Variants in MRPS25 observed in about 807,000 individuals in gnomAD.
MRPS25 encodes the protein mitochondrial ribosomal protein S25.
In MRPS25, 15 loss-of-function variants were observed where a neutral mutation model predicts 17.3. The ratio of observed to expected loss-of-function variants is 0.87; its 90% CI spans 0.58 to 1.34. The LOEUF (loss-of-function observed/expected upper bound fraction) is 1.34, where lower values mean the gene tolerates loss of function less well. Among genes scored for constraint, MRPS25 ranks in the 40% most tolerant of loss-of-function variants. The pLI is 0.00. For missense variants in MRPS25, 225 were observed against 218.6 expected (o/e 1.03, Z -0.19); for synonymous variants, 94 against 83.3 (o/e 1.13, Z -0.70).
Position 15,050,532 on chromosome 3 carries a change from C to T in MRPS25, c.*1909G>A. On this transcript the variant is annotated 3_prime_UTR_variant, in exon 4 of 4. Transcript: ENST00000253686. ...AGGAACTAGGTGCTTTCTGAAGAGC[C>T]CTTGCAGCCAAGTAGAACGCCCAGG... The T allele has an allele frequency of 1.0e-6, 1 of 985,482 alleles. No individual in the cohort carries two copies. The highest frequency in any genetic ancestry group is 1.2e-6 in the Non-Finnish European group (1 of 830,058). 61.0% of individuals were successfully genotyped at this position (985,482 alleles called of 1,614,324 possible). A position where few individuals can be genotyped will look rare whatever the true frequency, so the allele number is the denominator to read the frequency against.
intron 1 of MRPS25, among the ~76,000 whole-genome samples, chr3:15,064,117 C>G (rs1276248120): frequency 6.6e-6 from 1 of 152,188 alleles, no homozygotes; most frequent in Non-Finnish European, 1.5e-5. Flanking sequence ...GCTCCCCGCC[C>G]CCACGCCTCA....
Position 15,065,214 on chromosome 3 carries a change from C to T in MRPS25, c.-20G>A, listed in dbSNP as rs759273636. ...GGGCATGGCGGCAACGGTGGCGGGGCCGACCCCACGGGCCGCGAGCCGAGC... is the reference window on the plus strand; with the variant it reads ...GGGCATGGCGGCAACGGTGGCGGGGTCGACCCCACGGGCCGCGAGCCGAGC... On this transcript the variant is annotated 5_prime_UTR_variant, in exon 1 of 4. Coordinates refer to ENST00000253686, the MANE Select transcript of MRPS25 (RefSeq NM_022497.5). 6 of 1,569,562 alleles carry T rather than the reference C, an allele frequency of 3.8e-6. No homozygotes were observed. Among genetic ancestry groups the T allele is most frequent in the Non-Finnish European group, 8.6e-7 (1 of 1,160,214 alleles).
chr3:15,050,642 CT>C lies in MRPS25; in HGVS notation c.*1798del. On this transcript the variant is annotated 3_prime_UTR_variant, in exon 4 of 4. Coordinates refer to ENST00000253686, the MANE Select transcript of MRPS25 (RefSeq NM_022497.5). ...TGGGAGGGCTCTCTGTGGAGGAGAG[CT>C]TTTTCCACCCAGCCAAAATGCTGAT... 1.0e-6 allele frequency: 1 copy of C among 985,352 alleles called. No individual in the cohort carries two copies. Among genetic ancestry groups the C allele is most frequent in the Non-Finnish European group, 1.2e-6 (1 of 829,924 alleles). 61.0% of individuals were successfully genotyped at this position (985,352 alleles called of 1,614,324 possible).
downstream of MRPS25, chr3:15,045,994 T>C (rs2042435682): frequency 6.6e-6 from 1 of 152,208 alleles, no homozygotes; most frequent in Non-Finnish European, 1.5e-5. Flanking sequence ...GTGGAGATCA[T>C]TACACATTAG....
Position 15,050,385 on chromosome 3 carries a change from C to T in MRPS25, c.*2056G>A. 5 of 1,018,098 alleles carry T rather than the reference C, an allele frequency of 4.9e-6. No individual in the cohort carries two copies. Among genetic ancestry groups the T allele is most frequent in the African/African-American group, 3.5e-5 (2 of 57,486 alleles). 63.1% of individuals were successfully genotyped at this position (1,018,098 alleles called of 1,614,324 possible). The stretch of plus-strand genomic sequence containing the variant: ...TTCTGTCTAGAGAATGGTCACCACT[C>T]CTTTTGGTTCAGGACATTCCTGCTG... On this transcript the variant is annotated 3_prime_UTR_variant, in exon 4 of 4. Transcript: ENST00000253686.
chr3:15,064,392 T>C (rs73818013), intron 1 of MRPS25, among the ~76,000 whole-genome samples: 3,305 of 152,264 alleles, frequency 0.022, 116 homozygotes, highest in African/African-American at 0.075. Context: ...CAGTTCCTTC[T>C]AGTCGGGGTA....
Position 15,050,015 on chromosome 3 carries a change from A to T in MRPS25, c.*2426T>A, listed in dbSNP as rs2042579588. Reference sequence around the variant, plus strand: ...CAAGTAAAATTAAGAACATGTTATCAATTATAAAATCCTCACATTTTCTCT... The same window carrying T: ...CAAGTAAAATTAAGAACATGTTATCTATTATAAAATCCTCACATTTTCTCT... On this transcript the variant is annotated 3_prime_UTR_variant, in exon 4 of 4. Coordinates refer to ENST00000253686, the MANE Select transcript of MRPS25 (RefSeq NM_022497.5). 1.4e-6 allele frequency: 2 copies of T among 1,465,304 alleles called. No homozygotes were observed. Among genetic ancestry groups the T allele is most frequent in the Non-Finnish European group, 1.8e-6 (2 of 1,123,716 alleles). 90.8% of individuals were successfully genotyped at this position (1,465,304 alleles called of 1,614,324 possible).
At position 15,052,563 on chromosome 3, in the gene MRPS25, A is replaced by AC; in HGVS notation, c.399dup (p.Tyr134ValfsTer9). The stretch of plus-strand genomic sequence containing the variant: ...TCACAGATGCACTCCCGCAGGCAGT[A>AC]CTTTCGAGGGCCGAAGTTGGCTGGG... On this transcript the variant is annotated frameshift_variant, in exon 4 of 4. Transcript: ENST00000253686. LOFTEE classifies it high-confidence loss of function. The AC allele has an allele frequency of 6.2e-7, 1 of 1,614,176 alleles. No individual in the cohort carries two copies. The highest frequency in any genetic ancestry group is 8.5e-7 in the Non-Finnish European group (1 of 1,180,042).
downstream of MRPS25, chr3:15,044,492 C>T (rs1239366276): frequency 1.3e-5 from 2 of 152,160 alleles, no homozygotes; most frequent in East Asian, 1.9e-4. Context: ...TTCAAACACC[C>T]GTAAATTCCC....
At chr3:15,064,546 G>A (rs1391589429) in intron 1 of MRPS25, among the ~76,000 whole-genome samples, 2 of 152,190 alleles carry the variant, frequency 1.3e-5, no homozygotes. Flanking sequence ...CTCTCTGTGC[G>A]CTTCCCCAGC....
intron 1 of MRPS25, among the ~76,000 whole-genome samples, chr3:15,061,323 C>G (rs954141254): frequency 2.6e-5 from 4 of 152,178 alleles, no homozygotes; most frequent in African/African-American, 9.6e-5. Flanking sequence ...CTGCCTGATT[C>G]TCCTGCCTCA....
chr3:15,063,148 G>C (rs1353397751), intron 1 of MRPS25, among the ~76,000 whole-genome samples: 1 of 151,960 alleles, frequency 6.6e-6, no homozygotes, highest in Admixed American at 6.6e-5. Flanking sequence ...TCCAACCCCA[G>C]AAGGTGGGGT....
chr3:15,051,278 C>T lies in MRPS25; in HGVS notation c.*1163G>A, dbSNP rs2042601741. 5.1e-6 allele frequency: 4 copies of T among 777,090 alleles called. No homozygotes were observed. Among genetic ancestry groups the T allele is most frequent in the Non-Finnish European group, 6.3e-6 (4 of 639,622 alleles). The allele number at this position is 777,090 out of a possible 1,614,324, so 48.1% of individuals were successfully genotyped here. A position where few individuals can be genotyped will look rare whatever the true frequency, so the allele number is the denominator to read the frequency against. On this transcript the variant is annotated 3_prime_UTR_variant, in exon 4 of 4. Transcript: ENST00000253686. ...ATGATTCACTGCAGCCTTGATCTCG[C>T]AGGCTCGAGATCCTCCCACCTCAGC...
At position 15,051,519 on chromosome 3, in the gene MRPS25, C is replaced by T. The variant is rs115843208; in HGVS notation, c.*922G>A. The stretch of plus-strand genomic sequence containing the variant: ...ATTCTTAAGGTGACCCTAGAAGGCT[C>T]TGCTGTCTTCTGGAGGCTGAAACCT... On this transcript the variant is annotated 3_prime_UTR_variant, in exon 4 of 4. Transcript: ENST00000253686. The T allele has an allele frequency of 1.1e-4, 113 of 985,408 alleles. No homozygotes were observed. The African/African-American group carries it at 1.9e-3, about 17-fold the overall frequency. 61.0% of individuals were successfully genotyped at this position (985,408 alleles called of 1,614,324 possible). A position where few individuals can be genotyped will look rare whatever the true frequency, so the allele number is the denominator to read the frequency against.
intron 1 of MRPS25, among the ~76,000 whole-genome samples, chr3:15,061,916 G>A (rs1357736469): frequency 4.0e-5 from 6 of 150,440 alleles, no homozygotes; most frequent in Admixed American, 2.0e-4. Flanking sequence ...CCCTGTCTGA[G>A]AAGTGAGGAG....
At chr3:15,053,204 G>A in intron 3 of MRPS25, 176 bp downstream of exon 3, 1 of 1,383,458 alleles carries the variant, frequency 7.2e-7, no homozygotes, top group Non-Finnish European at 9.6e-7. Context: ...GAGGTTTAAT[G>A]ATTTGGTAAA....
downstream of MRPS25, chr3:15,046,393 A>G (rs560844544): frequency 6.6e-6 from 1 of 152,384 alleles, no homozygotes; most frequent in African/African-American, 2.4e-5. Flanking sequence ...TCCACGCTAC[A>G]CACATACTTA....
Position 15,051,526 on chromosome 3 carries a change from C to T in MRPS25, c.*915G>A. The T allele has an allele frequency of 1.0e-6, 1 of 985,428 alleles. No individual in the cohort carries two copies. Among genetic ancestry groups the T allele is most frequent in the Non-Finnish European group, 1.2e-6 (1 of 829,930 alleles). The allele number at this position is 985,428 out of a possible 1,614,324, so 61.0% of individuals were successfully genotyped here. On this transcript the variant is annotated 3_prime_UTR_variant, in exon 4 of 4. Coordinates refer to ENST00000253686, the MANE Select transcript of MRPS25 (RefSeq NM_022497.5). ...AGGTGACCCTAGAAGGCTCTGCTGT[C>T]TTCTGGAGGCTGAAACCTCCACTTT... is the stretch of plus-strand genomic sequence containing the variant.
intron 2 of MRPS25, among the ~76,000 whole-genome samples, chr3:15,058,671 T>A: frequency 6.6e-6 from 1 of 152,198 alleles, no homozygotes; most frequent in East Asian, 1.9e-4. Flanking sequence ...TTTTGTTTCC[T>A]GAAGCATTTC....
Sources: gnomAD v4.1 joint callset for allele counts (sites outside exome capture counted in the v4.1 genomes callset) on GRCh38, gnomAD v4.1.1 for gene constraint, MANE v1.5 for transcripts, NCBI Gene and HGNC (gene_info 2026-07-23, HGNC 2026-07-21) for gene names.